Variants in SPAG17 observed in about 807,000 individuals in gnomAD.
The protein encoded by SPAG17 is sperm associated antigen 17.
Under a neutral mutation model 273.6 loss-of-function variants are expected in SPAG17, and 169 were observed. The observed-to-expected ratio is 0.62, with a 90% CI of 0.55 to 0.70. The LOEUF is 0.70. Ranked by LOEUF, SPAG17 falls within the 30% of genes least tolerant of loss-of-function variation. The pLI is 0.00. For synonymous variants in SPAG17, 825 were observed against 873.2 expected, an observed-to-expected ratio of 0.94 and a Z score of 0.97; for missense variants, 2,557 against 2,627.8, an observed-to-expected ratio of 0.97 and a Z score of 0.59.
intron 48 of SPAG17, among the ~76,000 whole-genome samples, chr1:117,957,516 T>G (rs563580656): frequency 6.6e-6 from 1 of 152,244 alleles, no homozygotes; most frequent in Non-Finnish European, 1.5e-5. Context: ...AAGATAGCTC[T>G]GGTTCTAGTC....
intron 17 of SPAG17, among the ~76,000 whole-genome samples, chr1:118,073,455 TAATC>T (rs1653797805): frequency 6.6e-6 from 1 of 152,192 alleles, no homozygotes; most frequent in Non-Finnish European, 1.5e-5. Context: ...ATTGAACTGT[TAATC>T]AAAACAGAAA....
chr1:118,062,594 TTAATAATA>T (rs1652455567), intron 18 of SPAG17, among the ~76,000 whole-genome samples: 1 of 151,962 alleles, frequency 6.6e-6, no homozygotes, highest in Non-Finnish European at 1.5e-5. Flanking sequence ...CTGTATTTGT[TTAATAATA>T]TAACCTCCAT....
intron 43 of SPAG17, 27 bp from the exon 44 acceptor site, chr1:117,973,588 C>T (rs778478456): frequency 1.4e-5 from 23 of 1,595,568 alleles, no homozygotes; most frequent in Middle Eastern, 1.7e-4. Flanking sequence ...TTAAATTATG[C>T]CACATGGACA....
chr1:118,039,250 G>A (rs761475761), intron 23 of SPAG17, 42 bp downstream of exon 23: 19 of 1,591,422 alleles, frequency 1.2e-5, no homozygotes, highest in Admixed American at 3.6e-5. Flanking sequence ...ACAGAGACAG[G>A]AGTATTAGTC....
chr1:118,019,649 A>C (rs1660313182), intron 28 of SPAG17, among the ~76,000 whole-genome samples: 1 of 152,334 alleles, frequency 6.6e-6, no homozygotes, highest in South Asian at 2.1e-4. Flanking sequence ...CACTTTGATA[A>C]ATGAAAAGAA....
At chr1:118,050,900 C>T (rs999522030) in intron 20 of SPAG17, among the ~76,000 whole-genome samples, 13 of 151,720 alleles carry the variant, frequency 8.6e-5, no homozygotes, top group East Asian at 3.9e-4. Flanking sequence ...AATGGCATCA[C>T]GTTAGACTAA....
At position 117,994,450 on chromosome 1, in the gene SPAG17, G is replaced by C. The variant is rs747622919; in HGVS notation, c.5134C>G (p.Pro1712Ala). Residue 1712 changes from proline to alanine, a missense_variant, in exon 35 of 49, where the codon CCT (proline) becomes GCT (alanine). Physicochemically the swap from Pro to Ala is conservative, Grantham distance 27 (BLOSUM62 -1). Transcript: ENST00000336338. The stretch of plus-strand genomic sequence containing the variant: ...TCCCATGACCTTGACCGGAGATTAG[G>C]AGGGACAATTGTATCTTCCTTTTTT... ...QVKKEDTIVP[P>A]NLRSRSWETF... 3.7e-6 allele frequency: 6 copies of C among 1,612,844 alleles called. No individual in the cohort carries two copies. In the African/African-American group the frequency reaches 8.0e-5, roughly 22 times the overall value.
Position 118,091,585 on chromosome 1 carries a change from C to T in SPAG17, c.1359+21G>A, listed in dbSNP as rs1192572527. On this transcript the variant is annotated intron_variant, in intron 10 of 48. Coordinates refer to ENST00000336338, the MANE Select transcript of SPAG17 (RefSeq NM_206996.4). Reference sequence around the variant, plus strand: ...TGAAACGACTTACTCAAGTATACAACCTGGGAAAAAGCCTCCCCACCTGTT... The same window carrying T: ...TGAAACGACTTACTCAAGTATACAATCTGGGAAAAAGCCTCCCCACCTGTT... 4.3e-6 allele frequency: 6 copies of T among 1,395,590 alleles called. No homozygotes were observed. In the East Asian group the frequency reaches 1.4e-4, roughly 32 times the overall value. The allele number at this position is 1,395,590 out of a possible 1,614,324, so 86.5% of individuals were successfully genotyped here. A position where few individuals can be genotyped will look rare whatever the true frequency, so the allele number is the denominator to read the frequency against.
chr1:118,044,530 T>C (rs1650130087), intron 20 of SPAG17, among the ~76,000 whole-genome samples: 1 of 151,908 alleles, frequency 6.6e-6, no homozygotes, highest in East Asian at 1.9e-4. Context: ...ACAAATTAGA[T>C]GGACAATCAA....
At chr1:118,130,757 CAGGA>C (rs1658013545) in intron 3 of SPAG17, among the ~76,000 whole-genome samples, 1 of 152,180 alleles carries the variant, frequency 6.6e-6, no homozygotes, top group Non-Finnish European at 1.5e-5. Flanking sequence ...ATCTCTTATT[CAGGA>C]TCCAATAACC....
chr1:118,021,999 C>T (rs1297845585), intron 28 of SPAG17, among the ~76,000 whole-genome samples: 2 of 152,020 alleles, frequency 1.3e-5, no homozygotes, highest in African/African-American at 4.8e-5. Flanking sequence ...TGCTTCCACA[C>T]AATATTTCTG....
chr1:118,012,406 C>T (rs1429274434), intron 29 of SPAG17, 34 bp from the exon 30 acceptor site: 1 of 1,603,142 alleles, frequency 6.2e-7, no homozygotes, highest in Admixed American at 1.7e-5. Flanking sequence ...AATCATTTGG[C>T]CACATGGTTC....
chr1:117,975,864 A>G (rs558031548), intron 43 of SPAG17, among the ~76,000 whole-genome samples: 40 of 152,330 alleles, frequency 2.6e-4, no homozygotes, highest in Middle Eastern at 3.4e-3. Context: ...TGCATGTATC[A>G]GTCTAATAAG....
intron 3 of SPAG17, among the ~76,000 whole-genome samples, chr1:118,122,472 C>T (rs1374857375): frequency 1.3e-5 from 2 of 152,292 alleles, no homozygotes; most frequent in East Asian, 3.9e-4. Context: ...AGTTACTTAA[C>T]CCTTTTAAAC....
At chr1:118,173,929 A>T (rs1311589194) in intron 1 of SPAG17, among the ~76,000 whole-genome samples, 2 of 151,738 alleles carry the variant, frequency 1.3e-5, no homozygotes, top group Non-Finnish European at 2.9e-5. Flanking sequence ...AAGACCTGGG[A>T]AGATTTTAAG....
intron 28 of SPAG17, among the ~76,000 whole-genome samples, chr1:118,018,582 T>C (rs1660188000): frequency 6.6e-6 from 1 of 151,756 alleles, no homozygotes; most frequent in African/African-American, 2.4e-5. Flanking sequence ...CCTATAATCT[T>C]AGCATTTTGG....
Position 118,008,073 on chromosome 1 carries a change from T to C in SPAG17, c.4558A>G (p.Ile1520Val), listed in dbSNP as rs1040405162. Residue 1520 changes from isoleucine (I) to valine (V), a missense_variant, in exon 31 of 49, where the codon ATT (isoleucine) becomes GTT (valine). Coordinates refer to ENST00000336338, the MANE Select transcript of SPAG17 (RefSeq NM_206996.4). ...CCATFGDGTT[I>V]IAKPQGTYQV... is the part of the protein sequence containing the mutation. Reference sequence around the variant, plus strand: ...TATGTTCCCTGTGGCTTTGCAATAATAGTTGTTCCATCTCCAAAGGTGGCA... The same window carrying C: ...TATGTTCCCTGTGGCTTTGCAATAACAGTTGTTCCATCTCCAAAGGTGGCA... 8.1e-6 allele frequency: 13 copies of C among 1,613,936 alleles called. No homozygotes were observed. Among genetic ancestry groups the C allele is most frequent in the South Asian group, 2.2e-5 (2 of 91,084 alleles).
chr1:118,023,344 T>C lies in SPAG17; in HGVS notation c.4029A>G (p.Lys1343=). Residue 1343 remains lysine, a synonymous_variant, in exon 28 of 49, where the codon AAA becomes AAG. Transcript: ENST00000336338. ...TAATCTCAGATGGTATCGTTTCTGA[T>C]TTCTGCTGAGAAATAGAGTCCATCA... ...GDLMDSISQQ[K]SETIPSEITN... 6.2e-7 allele frequency: 1 copy of C among 1,612,142 alleles called. No individual in the cohort carries two copies. The highest frequency in any genetic ancestry group is 8.5e-7 in the Non-Finnish European group (1 of 1,178,808).
intron 3 of SPAG17, among the ~76,000 whole-genome samples, chr1:118,129,152 T>C (rs994385741): frequency 2.0e-5 from 3 of 152,240 alleles, no homozygotes; most frequent in Admixed American, 6.5e-5. Flanking sequence ...CTGGAGCCCC[T>C]GAACTAAGCT....
Sources: allele counts gnomAD v4.1 joint callset (sites outside exome capture counted in the v4.1 genomes callset), GRCh38; gene constraint gnomAD v4.1.1; transcripts MANE v1.5; gene names NCBI Gene and HGNC (gene_info 2026-07-23, HGNC 2026-07-21).